The following PPARGC1B variants were observed in gnomAD, a reference collection of about 807,000 sequenced individuals.
PPARGC1B encodes the protein peroxisome proliferator-activated receptor gamma coactivator 1-beta.
PPARGC1B carries 34 observed loss-of-function variants against 101.6 expected under a neutral mutation model. The ratio of observed to expected loss-of-function variants is 0.33; its 90% confidence interval spans 0.25 to 0.45. PPARGC1B has a LOEUF of 0.45. PPARGC1B is among the 20% of genes least tolerant of loss of function. The probability of loss-of-function intolerance (pLI) is 1.00; values close to 1 mark genes in which losing one functional copy is unlikely to be tolerated. For missense variants in PPARGC1B, 1,234 were observed against 1,317.6 expected, an observed-to-expected ratio of 0.94 and a Z score of 0.98; for synonymous variants, 548 against 539.3, an observed-to-expected ratio of 1.02 and a Z score of -0.22.
At chr5:149,744,732 A>G (rs1248835515) in intron 1 of PPARGC1B, among the ~76,000 whole-genome samples, 1 of 152,222 alleles carries the variant, frequency 6.6e-6, no homozygotes, top group African/African-American at 2.4e-5. Flanking sequence ...AAGTTAATGC[A>G]ATCTCTGAAA....
chr5:149,798,194 A>G (rs999601100), intron 1 of PPARGC1B, among the ~76,000 whole-genome samples: 2 of 152,246 alleles, frequency 1.3e-5, no homozygotes, highest in African/African-American at 4.8e-5. Flanking sequence ...CAGCGTTCAG[A>G]ACAGTCCACC....
intron 1 of PPARGC1B, among the ~76,000 whole-genome samples, chr5:149,736,678 A>C (rs1489086579): frequency 6.6e-6 from 1 of 152,218 alleles, no homozygotes; most frequent in Non-Finnish European, 1.5e-5. Context: ...CCCAGATGGC[A>C]GATCAGTCCT....
chr5:149,845,666 A>T, intron 10 of PPARGC1B, 94 bp from the exon 11 acceptor site: 1 of 1,326,014 alleles, frequency 7.5e-7, no homozygotes, highest in Non-Finnish European at 1.0e-6. Context: ...GTATCGAATC[A>T]CTGTGGCAGT....
chr5:149,735,335 C>G (rs1199902260), intron 1 of PPARGC1B, among the ~76,000 whole-genome samples: 1 of 152,142 alleles, frequency 6.6e-6, no homozygotes, highest in Non-Finnish European at 1.5e-5. Flanking sequence ...CTTAGCAGCT[C>G]GTGCAGGCCA....
intron 10 of PPARGC1B, among the ~76,000 whole-genome samples, chr5:149,845,263 T>C (rs997405238): frequency 6.6e-6 from 1 of 152,204 alleles, no homozygotes; most frequent in African/African-American, 2.4e-5. Flanking sequence ...AATTGGTGAC[T>C]GAGGCTGGCT....
At chr5:149,738,850 C>T (rs1754817596) in intron 1 of PPARGC1B, among the ~76,000 whole-genome samples, 1 of 152,224 alleles carries the variant, frequency 6.6e-6, no homozygotes, top group Non-Finnish European at 1.5e-5. Flanking sequence ...TCGCCTCGGC[C>T]TCCCAAAATG....
intron 1 of PPARGC1B, among the ~76,000 whole-genome samples, chr5:149,798,031 G>A (rs927721783): frequency 6.6e-6 from 1 of 152,194 alleles, no homozygotes; most frequent in African/African-American, 2.4e-5. Context: ...CTCAAAAAAG[G>A]TTAAGGACCC....
rs60318160 is a variant in PPARGC1B at position 149,737,470 on chromosome 5, C to T, written c.78+7050C>T. 9.1e-3 allele frequency among the ~76,000 whole-genome samples: 1,386 copies of T among 152,242 alleles called. 15 individuals carry two copies. Among genetic ancestry groups the T allele is most frequent in the African/African-American group, 0.032 (1,317 of 41,534 alleles). On this transcript the variant is annotated intron_variant, in intron 1 of 11. Transcript: ENST00000309241. ...TTCTCCATTTCCATGATTCATCCTG[C>T]GAGCCCCTGCTCACCAGCCACTGTT... is the stretch of plus-strand genomic sequence containing the variant.
At chr5:149,831,238 AT>A (rs997368907) in intron 4 of PPARGC1B, among the ~76,000 whole-genome samples, 27 of 151,958 alleles carry the variant, frequency 1.8e-4, no homozygotes, top group Middle Eastern at 3.4e-3. Context: ...AATAGTTTGG[AT>A]TTTTTTTCCC....
intron 1 of PPARGC1B, among the ~76,000 whole-genome samples, chr5:149,793,983 T>G (rs541840322): frequency 5.3e-5 from 8 of 152,302 alleles, no homozygotes; most frequent in African/African-American, 1.9e-4. Flanking sequence ...TTTGTAAAGT[T>G]TTATTGGAAC....
At chr5:149,844,739 C>G (rs1334374843) in intron 10 of PPARGC1B, among the ~76,000 whole-genome samples, 1 of 152,210 alleles carries the variant, frequency 6.6e-6, no homozygotes, top group African/African-American at 2.4e-5. Context: ...TTATTAGGCA[C>G]CCACTATTTG....
At chr5:149,814,918 C>T (rs576605753) in intron 1 of PPARGC1B, among the ~76,000 whole-genome samples, 1 of 152,356 alleles carries the variant, frequency 6.6e-6, no homozygotes, top group African/African-American at 2.4e-5. Flanking sequence ...AGAGGCCCTA[C>T]ACACGGGCCG....
chr5:149,840,808 CA>C (rs1367229542), intron 9 of PPARGC1B, among the ~76,000 whole-genome samples: 2 of 152,166 alleles, frequency 1.3e-5, no homozygotes, highest in Non-Finnish European at 2.9e-5. Flanking sequence ...GATGGAAACA[CA>C]AAAAGACAAA....
intron 11 of PPARGC1B, 86 bp downstream of exon 11, chr5:149,846,000 C>T (rs539190198): frequency 6.8e-5 from 105 of 1,540,984 alleles, no homozygotes; most frequent in Admixed American, 1.0e-4. Flanking sequence ...AGAGCTAAAG[C>T]GCCTTGTGGA....
chr5:149,791,063 C>T lies in PPARGC1B; in HGVS notation c.79-29370C>T, dbSNP rs137905385. On this transcript the variant is annotated intron_variant, in intron 1 of 11. Transcript: ENST00000309241. Reference sequence around the variant, plus strand: ...CAGCACTTTGGGAGGCCAAGGCGGGCGGATCACTTGAGGTCAGGAGTTCAA... The same window carrying T: ...CAGCACTTTGGGAGGCCAAGGCGGGTGGATCACTTGAGGTCAGGAGTTCAA... Among the ~76,000 whole-genome samples, 419 of 152,036 alleles carry T rather than the reference C, an allele frequency of 2.8e-3. 5 individuals carry two copies. Among genetic ancestry groups the T allele is most frequent in the African/African-American group, 9.6e-3 (398 of 41,460 alleles).
Position 149,851,304 on chromosome 5 carries a change from A to C in PPARGC1B, c.*3746A>C, listed in dbSNP as rs980165925. The C allele has an allele frequency of 6.6e-6, 1 of 152,256 alleles. No homozygotes were observed. The highest frequency in any genetic ancestry group is 1.5e-5 in the Non-Finnish European group (1 of 68,068). The allele number at this position is 152,256 out of a possible 1,614,324, so 9.4% of individuals were successfully genotyped here. On this transcript the variant is annotated 3_prime_UTR_variant, in exon 12 of 12. Transcript: ENST00000309241. ...TGGTGAGTAAAAGGGCAGGGAAGGC[A>C]TGGACAGCCTGGTCCTTCTGCATGG...
At chr5:149,754,818 G>T in intron 1 of PPARGC1B, among the ~76,000 whole-genome samples, 1 of 114,040 alleles carries the variant, frequency 8.8e-6, no homozygotes, top group African/African-American at 3.4e-5. Context: ...GTCTTGCTCT[G>T]TCACCCAGGC....
chr5:149,773,159 G>A (rs1265124910), intron 1 of PPARGC1B, among the ~76,000 whole-genome samples: 1 of 152,212 alleles, frequency 6.6e-6, no homozygotes, highest in Non-Finnish European at 1.5e-5. Flanking sequence ...GTACCTTCTT[G>A]GTGTTTGGGG....
At chr5:149,844,129 A>T (rs1759456126) in intron 10 of PPARGC1B, among the ~76,000 whole-genome samples, 1 of 152,216 alleles carries the variant, frequency 6.6e-6, no homozygotes, top group South Asian at 2.1e-4. Context: ...CAAAGATGGT[A>T]AATGTCCTGT....
Sources: allele counts gnomAD v4.1 joint callset (sites outside exome capture counted in the v4.1 genomes callset), GRCh38; gene constraint gnomAD v4.1.1; transcripts MANE v1.5; gene names NCBI Gene and HGNC (gene_info 2026-07-23, HGNC 2026-07-21).